The following MFAP3L variants were observed in gnomAD, a reference collection of about 807,000 sequenced individuals.
The protein encoded by MFAP3L is microfibrillar-associated protein 3-like.
A neutral mutation model predicts 20.0 loss-of-function variants in MFAP3L; 5 were observed. That is an observed-to-expected ratio of 0.25 (90% CI 0.13 to 0.53). The LOEUF (loss-of-function observed/expected upper bound fraction) is 0.53. MFAP3L is among the 20% of genes least tolerant of loss of function. MFAP3L has a pLI of 0.96. For missense variants in MFAP3L, 409 were observed against 527.5 expected (o/e 0.78, Z 2.20); for synonymous variants, 219 against 213.0 (o/e 1.03, Z -0.25).
chr4:170,013,943 A>C (rs1175473807), intron 1 of MFAP3L, among the ~76,000 whole-genome samples: 1 of 152,210 alleles, frequency 6.6e-6, no homozygotes, highest in Non-Finnish European at 1.5e-5. Flanking sequence ...CCAAATCTGG[A>C]AACTGAATAG....
rs557759231 is a variant in MFAP3L, at chr4:169,987,352, T to C, written c.*4026A>G. On this transcript the variant is annotated 3_prime_UTR_variant, in exon 3 of 3. Coordinates refer to ENST00000361618, the MANE Select transcript of MFAP3L (RefSeq NM_021647.8). ...AATAACTTGGTTTAAAAACCAAGGA[T>C]AGAAACATTTATAGAATTACTCAAT... 11 of 152,310 alleles carry C rather than the reference T, an allele frequency of 7.2e-5. No homozygotes were observed. Among genetic ancestry groups the C allele is most frequent in the African/African-American group, 2.4e-4 (10 of 41,576 alleles). The allele number at this position is 152,310 out of a possible 1,614,324, so 9.4% of individuals were successfully genotyped here.
At position 170,014,074 on chromosome 4, in the gene MFAP3L, C is replaced by T. The variant is rs557977499; in HGVS notation, c.-133-8064G>A. Among the ~76,000 whole-genome samples, 6 of 152,298 alleles carry T rather than the reference C, an allele frequency of 3.9e-5. No homozygotes were observed. The South Asian group carries it at 1.2e-3, about 32-fold the overall frequency. On this transcript the variant is annotated intron_variant, in intron 1 of 2. Coordinates refer to ENST00000361618, the MANE Select transcript of MFAP3L (RefSeq NM_021647.8). Reference sequence around the variant, plus strand: ...TCACATTTTTCTTTGATCTTTGACACCGTCCTTATTAGAGTCTATATTCAA... The same window carrying T: ...TCACATTTTTCTTTGATCTTTGACATCGTCCTTATTAGAGTCTATATTCAA...
chr4:170,014,872 T>C (rs1739601791), intron 1 of MFAP3L, among the ~76,000 whole-genome samples: 2 of 152,184 alleles, frequency 1.3e-5, no homozygotes, highest in South Asian at 4.1e-4. Flanking sequence ...TTAATTATTT[T>C]GTGGTGGGAC....
chr4:170,021,807 C>A (rs931212886), intron 1 of MFAP3L, among the ~76,000 whole-genome samples: 1 of 152,142 alleles, frequency 6.6e-6, no homozygotes, highest in Non-Finnish European at 1.5e-5. Flanking sequence ...AATATTCAAA[C>A]CCAAAAGTTA....
At chr4:170,001,476 C>T (rs1738612912) in intron 2 of MFAP3L, among the ~76,000 whole-genome samples, 1 of 152,206 alleles carries the variant, frequency 6.6e-6, no homozygotes, top group Non-Finnish European at 1.5e-5. Flanking sequence ...GAATTTCAAA[C>T]TTAATCTCTA....
intron 2 of MFAP3L, chr4:169,997,702 A>AT: frequency 1.0e-6 from 1 of 985,178 alleles, no homozygotes. Context: ...CTGGGTAGGT[A>AT]TAAGGGGCAG....
upstream of MFAP3L, chr4:170,027,204 TCTC>T (rs938191088): frequency 1.3e-4 from 20 of 151,420 alleles, no homozygotes; most frequent in African/African-American, 3.9e-4. Flanking sequence ...AGTGGCTTCT[TCTC>T]CTCCTTATCT....
At position 169,992,674 on chromosome 4, in the gene MFAP3L, G is replaced by C. The variant is rs1737813335; in HGVS notation, c.299-365C>G. ...CCATATTGTCTAACTCCACATCCTA[G>C]TGAAAAATGAGAGAAACAATCTGGA... On this transcript the variant is annotated intron_variant, in intron 2 of 2. Transcript: ENST00000361618. The surrounding 1 kb of genome is among the most constrained non-coding windows in gnomAD (Gnocchi z 4.3). 6.6e-6 allele frequency among the ~76,000 whole-genome samples: 1 copy of C among 152,210 alleles called. No homozygotes were observed. Among genetic ancestry groups the C allele is most frequent in the Admixed American group, 6.5e-5 (1 of 15,282 alleles).
Position 169,992,305 on chromosome 4 carries a change from T to A in MFAP3L, c.303A>T (p.Lys101Asn). The A allele has an allele frequency of 6.2e-7, 1 of 1,603,642 alleles. No individual in the cohort carries two copies. The change falls in exon 3 of 3, where the codon AAA (lysine) becomes AAT (asparagine). Residue 101 changes from lysine (K) to asparagine (N), a missense_variant. Coordinates refer to ENST00000361618, the MANE Select transcript of MFAP3L (RefSeq NM_021647.8). The surrounding 1 kb of genome is among the most constrained non-coding windows in gnomAD (Gnocchi z 4.3). ...GGAGGCCGCTGTCGTGCATTTGCCA[T>A]TTTCCTGTCGGAAGGGAGAGAAGAG... ...EEDEKERGGG[K>N]WQMHDSGLLN...
At chr4:169,998,444 T>A (rs1179999893) in intron 2 of MFAP3L, among the ~76,000 whole-genome samples, 2 of 152,220 alleles carry the variant, frequency 1.3e-5, no homozygotes, top group Admixed American at 1.3e-4. Context: ...AACTGAAGAA[T>A]CACAGGGAAA....
chr4:170,020,142 C>G (rs1739937237), intron 1 of MFAP3L, among the ~76,000 whole-genome samples: 1 of 152,182 alleles, frequency 6.6e-6, no homozygotes, highest in South Asian at 2.1e-4. Context: ...GTTAGTCTCT[C>G]TGGTGCTGCA....
rs188296668 is a variant in MFAP3L at position 169,986,736 on chromosome 4, T to C, written c.*4642A>G. On this transcript the variant is annotated 3_prime_UTR_variant, in exon 3 of 3. Transcript: ENST00000361618. The stretch of plus-strand genomic sequence containing the variant: ...ACTTTATTTTTAAAAGTGAACATTT[T>C]ACAGTTCACAGAATCACCAGATTGA... 6.2e-4 allele frequency: 95 copies of C among 152,340 alleles called. No individual in the cohort carries two copies. The highest frequency in any genetic ancestry group is 1.8e-3 in the African/African-American group (73 of 41,596). 9.4% of individuals were successfully genotyped at this position (152,340 alleles called of 1,614,324 possible). A position where few individuals can be genotyped will look rare whatever the true frequency, so the allele number is the denominator to read the frequency against.
Position 169,990,196 on chromosome 4 carries a change from C to T in MFAP3L, c.*1182G>A, listed in dbSNP as rs1241806074. The T allele has an allele frequency of 1.3e-5, 2 of 152,238 alleles. No individual in the cohort carries two copies. Among genetic ancestry groups the T allele is most frequent in the Non-Finnish European group, 2.9e-5 (2 of 68,058 alleles). The allele number at this position is 152,238 out of a possible 1,614,324, so 9.4% of individuals were successfully genotyped here. On this transcript the variant is annotated 3_prime_UTR_variant, in exon 3 of 3. Coordinates refer to ENST00000361618, the MANE Select transcript of MFAP3L (RefSeq NM_021647.8). ...TAATTTTGTCTTCTTTCCATAACAT[C>T]ACGCACCTCACATATAACCACTTTC...
intron 1 of MFAP3L, among the ~76,000 whole-genome samples, chr4:170,012,815 C>T (rs1739466163): frequency 6.6e-6 from 1 of 152,160 alleles, no homozygotes; most frequent in Non-Finnish European, 1.5e-5. Flanking sequence ...ATGGGTAGAA[C>T]TAAATATACA....
chr4:170,016,520 G>C lies in MFAP3L; in HGVS notation c.-134+9714C>G, dbSNP rs143202307. On this transcript the variant is annotated intron_variant, in intron 1 of 2. Transcript: ENST00000361618. Reference sequence around the variant, plus strand: ...CACCCCATCATGCTCTACCTACCTCGACCCTGCCTTTGTCTTTACAGCATT... The same window carrying C: ...CACCCCATCATGCTCTACCTACCTCCACCCTGCCTTTGTCTTTACAGCATT... Among the ~76,000 whole-genome samples the C allele has an allele frequency of 4.8e-3, 731 of 152,162 alleles. 7 individuals carry two copies. The highest frequency in any genetic ancestry group is 0.016 in the African/African-American group (682 of 41,510).
At chr4:170,010,870 T>A (rs1739337010) in intron 1 of MFAP3L, among the ~76,000 whole-genome samples, 1 of 152,086 alleles carries the variant, frequency 6.6e-6, no homozygotes, top group African/African-American at 2.4e-5. Flanking sequence ...TTTTAGATAA[T>A]TAGGGTGATC....
chr4:170,018,607 C>T lies in MFAP3L; in HGVS notation c.-134+7627G>A, dbSNP rs187365023. ...GTACAGAGGCACAATGAGAAATGAC[C>T]AGCCTCCATTAAGGCAAAGGATGGT... On this transcript the variant is annotated intron_variant, in intron 1 of 2. Transcript: ENST00000361618. Among the ~76,000 whole-genome samples, 282 of 152,286 alleles carry T rather than the reference C, an allele frequency of 1.9e-3. 1 individual carries two copies. The Middle Eastern group carries it at 0.02, about 11-fold the overall frequency.
At chr4:170,007,458 C>T (rs778596923) in intron 1 of MFAP3L, among the ~76,000 whole-genome samples, 1 of 152,210 alleles carries the variant, frequency 6.6e-6, no homozygotes, top group African/African-American at 2.4e-5. Flanking sequence ...GACATAACCA[C>T]CTTCGCTGGC....
chr4:170,017,169 T>C (rs1178224719), intron 1 of MFAP3L, among the ~76,000 whole-genome samples: 3 of 152,152 alleles, frequency 2.0e-5, no homozygotes, highest in Non-Finnish European at 4.4e-5. Context: ...GGTAGTTAAA[T>C]AGCATTTCCT....
Sources: gnomAD v4.1 joint callset for allele counts (sites outside exome capture counted in the v4.1 genomes callset) on GRCh38, gnomAD v4.1.1 for gene constraint, Gnocchi (gnomAD v3.1) non-coding constraint, MANE v1.5 for transcripts, NCBI Gene and HGNC (gene_info 2026-07-23, HGNC 2026-07-21) for gene names.